The following CD99L2 variants were observed in gnomAD, a reference collection of about 807,000 sequenced individuals.
The protein encoded by CD99L2 is CD99 molecule like 2, also known as CD99 antigen-like protein 2.
A neutral mutation model predicts 27.3 loss-of-function variants in CD99L2; 24 were observed. The observed-to-expected ratio is 0.88, with a 90% CI of 0.64 to 1.24. The LOEUF is 1.24. Among genes scored for constraint, CD99L2 ranks in the 50% most tolerant of loss-of-function variants. The probability of loss-of-function intolerance (pLI) is 0.00; values close to 1 mark genes in which losing one functional copy is unlikely to be tolerated. For missense variants in CD99L2, 255 were observed against 221.6 expected (o/e 1.15, Z -0.96); for synonymous variants, 97 against 87.9 (o/e 1.10, Z -0.58).
rs188104448 is a variant in CD99L2, at chrX:150,866,655, C to T, written c.67+31867G>A. On this transcript the variant is annotated intron_variant, in intron 1 of 10. Transcript: ENST00000370377. ...ACTATTATATAACACAGTAGAGTGA[C>T]TCTAGTTAACAAGAATTTATTGTAT... 2.9e-3 allele frequency among the ~76,000 whole-genome samples: 322 copies of T among 111,966 alleles called. 2 individuals carry two copies. The highest frequency in any genetic ancestry group is 9.8e-3 in the African/African-American group (301 of 30,861).
In CD99L2 at chrX:150,767,593, A is replaced by G. The variant is rs2043333530; in HGVS notation, c.*1441T>C. On this transcript the variant is annotated 3_prime_UTR_variant, in exon 11 of 11. Transcript: ENST00000370377. The stretch of plus-strand genomic sequence containing the variant: ...TTAGACAGATGCATGTGGGGGCTGC[A>G]GATTCCAGTGGTTTCCTTAAGAAAC... 1 of 111,854 alleles carries G rather than the reference A, an allele frequency of 8.9e-6. No homozygotes were observed. Among genetic ancestry groups the G allele is most frequent in the South Asian group, 3.7e-4 (1 of 2,667 alleles). 9.2% of individuals were successfully genotyped at this position (111,854 alleles called of 1,213,427 possible). A position where few individuals can be genotyped will look rare whatever the true frequency, so the allele number is the denominator to read the frequency against.
intron 1 of CD99L2, among the ~76,000 whole-genome samples, chrX:150,886,996 T>G (rs781784594): frequency 9.1e-6 from 1 of 110,126 alleles, no homozygotes; most frequent in Non-Finnish European, 1.9e-5. Flanking sequence ...AATTAAAAAA[T>G]TAGTTGGGTA....
rs143687984 is a variant in CD99L2, at chrX:150,776,677, C to T, written c.536-384G>A. Among the ~76,000 whole-genome samples, 491 of 111,598 alleles carry T rather than the reference C, an allele frequency of 4.4e-3. 1 individual carries two copies. The highest frequency in any genetic ancestry group is 9.2e-3 in the Middle Eastern group (2 of 217). ...TGGCCTCATGATTATCTATTGGAAA[C>T]GTTCAGGGGAAGGCCAACTCTGAGA... On this transcript the variant is annotated intron_variant, in intron 8 of 10. Transcript: ENST00000370377.
intron 1 of CD99L2, among the ~76,000 whole-genome samples, chrX:150,857,279 A>G (rs1401074440): frequency 1.8e-5 from 2 of 111,169 alleles, no homozygotes; most frequent in Non-Finnish European, 3.8e-5. Flanking sequence ...CCCCAAACAA[A>G]TATGATGCAA....
Position 150,769,064 on chromosome X carries a change from C to G in CD99L2, c.759G>C (p.Pro253=). Residue 253 remains proline, a synonymous_variant, in exon 11 of 11, where the codon CCG becomes CCC. Transcript: ENST00000370377. Reference sequence around the variant, plus strand: ...TCCGGGCTGGTTCGGGCGGCGGCGGCGGCTCTGCAGACTGCGTGTGCAACG... The same window carrying G: ...TCCGGGCTGGTTCGGGCGGCGGCGGGGGCTCTGCAGACTGCGTGTGCAACG... ...YSTLHTQSAE[P]PPPPEPARI is the part of the protein sequence containing the mutation. 8.6e-7 allele frequency: 1 copy of G among 1,158,024 alleles called. No homozygotes were observed. Among genetic ancestry groups the G allele is most frequent in the Non-Finnish European group, 1.1e-6 (1 of 876,623 alleles).
intron 1 of CD99L2, among the ~76,000 whole-genome samples, chrX:150,864,531 G>A (rs1372443910): frequency 8.9e-6 from 1 of 112,346 alleles, no homozygotes; most frequent in Non-Finnish European, 1.9e-5. Context: ...TGTGCCCCAT[G>A]ATGTGATATT....
chrX:150,770,943 G>A (rs1429631191), intron 9 of CD99L2, among the ~76,000 whole-genome samples: 1 of 112,876 alleles, frequency 8.9e-6, no homozygotes, highest in Non-Finnish European at 1.9e-5. Flanking sequence ...CAGCCCACCA[G>A]CAGCTGCTTC....
At chrX:150,826,339 A>C (rs190710241) in intron 2 of CD99L2, among the ~76,000 whole-genome samples, 259 of 112,072 alleles carry the variant, frequency 2.3e-3, no homozygotes, top group African/African-American at 7.4e-3. Context: ...CATTCATAAG[A>C]AGCTTTATTT....
At chrX:150,852,824 T>C (rs1378643473) in intron 1 of CD99L2, among the ~76,000 whole-genome samples, 1 of 111,907 alleles carries the variant, frequency 8.9e-6, no homozygotes, top group Non-Finnish European at 1.9e-5. Flanking sequence ...GTCCACTGAA[T>C]GAGTAGACTA....
At chrX:150,845,872 T>C (rs1477224366) in intron 1 of CD99L2, among the ~76,000 whole-genome samples, 2 of 112,612 alleles carry the variant, frequency 1.8e-5, no homozygotes, top group East Asian at 5.6e-4. Flanking sequence ...AGGGCCACAG[T>C]GTCTGTGAAG....
intron 10 of CD99L2, among the ~76,000 whole-genome samples, chrX:150,769,680 C>CAATTT (rs1205429459): frequency 1.2e-5 from 1 of 86,596 alleles, no homozygotes; most frequent in Non-Finnish European, 1.9e-5. Context: ...TCCCTGCCTG[C>CAATTT]GCCACCAGGC....
intron 6 of CD99L2, among the ~76,000 whole-genome samples, chrX:150,794,584 G>C (rs782506788): frequency 1.8e-5 from 2 of 112,531 alleles, no homozygotes; most frequent in Non-Finnish European, 3.8e-5. Context: ...TCACTGATAA[G>C]AGTTTCACAC....
chrX:150,813,995 AAC>A (rs1557420404), intron 4 of CD99L2, among the ~76,000 whole-genome samples: 1 of 112,301 alleles, frequency 8.9e-6, no homozygotes, highest in African/African-American at 3.2e-5. Context: ...CTGTGAGTTT[AAC>A]AGTTTCCCCA....
rs991982864 is a variant in CD99L2, at chrX:150,769,724, G to A, written c.721+580C>T. On this transcript the variant is annotated intron_variant, in intron 10 of 10. Transcript: ENST00000370377. ...CTCCCCGACCCCAGCAAGCCTTTCC[G>A]GACCTCCTCATTGGCATCCCGTGGG... 3.5e-4 allele frequency among the ~76,000 whole-genome samples: 37 copies of A among 106,384 alleles called. No homozygotes were observed. The Admixed American group carries it at 3.9e-3, about 11-fold the overall frequency. 92.4% of individuals were successfully genotyped at this position (106,384 alleles called of 115,157 possible).
At chrX:150,859,441 G>A (rs2046940890) in intron 1 of CD99L2, among the ~76,000 whole-genome samples, 1 of 110,732 alleles carries the variant, frequency 9.0e-6, no homozygotes, top group African/African-American at 3.3e-5. Flanking sequence ...GGAGATTGCA[G>A]TGAGCCGAGA....
chrX:150,819,056 A>G (rs2046207631), intron 2 of CD99L2: 1 of 315,270 alleles, frequency 3.2e-6, no homozygotes, highest in African/African-American at 2.7e-5. Context: ...CCCACAGCAA[A>G]TGGTAGACCG....
chrX:150,824,524 AAAG>A (rs1353647515), intron 2 of CD99L2, among the ~76,000 whole-genome samples: 12 of 96,691 alleles, frequency 1.2e-4, no homozygotes, highest in South Asian at 1.2e-3. Context: ...AAGGAAGAAG[AAAG>A]AAGAAGAAAG....
At chrX:150,843,581 G>A (rs1370501173) in intron 1 of CD99L2, among the ~76,000 whole-genome samples, 1 of 110,261 alleles carries the variant, frequency 9.1e-6, no homozygotes, top group East Asian at 2.8e-4. Flanking sequence ...AACCCAGGAG[G>A]CAGAGGTTGC....
intron 1 of CD99L2, among the ~76,000 whole-genome samples, chrX:150,852,777 T>C (rs1211919550): frequency 3.6e-5 from 4 of 111,553 alleles, no homozygotes; most frequent in African/African-American, 9.8e-5. Flanking sequence ...TGTTGGAGCA[T>C]AGATCCGAAT....
Sources: gnomAD v4.1 joint callset for allele counts (sites outside exome capture counted in the v4.1 genomes callset) on GRCh38, gnomAD v4.1.1 for gene constraint, MANE v1.5 for transcripts, NCBI Gene and HGNC (gene_info 2026-07-23, HGNC 2026-07-21) for gene names.